Variants in GRIK3 observed in about 807,000 individuals in gnomAD.
GRIK3 encodes glutamate receptor ionotropic, kainate 3.
Under a neutral mutation model 102.5 loss-of-function variants are expected in GRIK3, and 29 were observed. The ratio of observed to expected loss-of-function variants is 0.28; its 90% CI spans 0.21 to 0.39. The LOEUF is 0.39. Ranked by LOEUF, GRIK3 falls within the 10% of genes least tolerant of loss-of-function variation. The probability of loss-of-function intolerance (pLI) is 1.00; values close to 1 mark genes in which losing one functional copy is unlikely to be tolerated. For synonymous variants in GRIK3, 511 were observed against 504.9 expected (o/e 1.01, Z -0.16); for missense variants, 908 against 1,252.4 (o/e 0.73, Z 4.15).
At chr1:36,931,995 C>G (rs1268251585) in intron 1 of GRIK3, among the ~76,000 whole-genome samples, 1 of 152,200 alleles carries the variant, frequency 6.6e-6, no homozygotes, top group Non-Finnish European at 1.5e-5. Flanking sequence ...TCATCCTGTC[C>G]TGCCCCCTAT....
intron 1 of GRIK3, among the ~76,000 whole-genome samples, chr1:36,925,813 G>A (rs957102184): frequency 6.6e-6 from 1 of 152,214 alleles, no homozygotes; most frequent in African/African-American, 2.4e-5. Flanking sequence ...CTGGTGTAGT[G>A]GGAGCGTGGC....
intron 1 of GRIK3, among the ~76,000 whole-genome samples, chr1:36,951,128 G>A (rs572690627): frequency 6.6e-6 from 1 of 152,354 alleles, no homozygotes; most frequent in African/African-American, 2.4e-5. Flanking sequence ...GCTGGGCCAG[G>A]AGGCCAAGCT....
In GRIK3 at chr1:36,980,131, C is replaced by T. The variant is rs371530859; in HGVS notation, c.115+53863G>A. ...TGTAGTGGAACCAGCAGAAGCAAAC[C>T]ATGAACCTCCAACTTGTTCTCTACA... On this transcript the variant is annotated intron_variant, in intron 1 of 15. Transcript: ENST00000373091. Among the ~76,000 whole-genome samples, 5 of 152,244 alleles carry T rather than the reference C, an allele frequency of 3.3e-5. No individual in the cohort carries two copies. In the East Asian group the frequency reaches 5.8e-4, roughly 18 times the overall value.
intron 1 of GRIK3, among the ~76,000 whole-genome samples, chr1:36,911,614 T>C (rs1436421338): frequency 1.3e-5 from 2 of 152,000 alleles, no homozygotes; most frequent in Non-Finnish European, 2.9e-5. Flanking sequence ...GGCAGTTGTT[T>C]TAATTGATCT....
At chr1:36,943,400 A>T (rs1557434377) in intron 1 of GRIK3, among the ~76,000 whole-genome samples, 1 of 152,266 alleles carries the variant, frequency 6.6e-6, no homozygotes, top group Non-Finnish European at 1.5e-5. Context: ...AAATATTACC[A>T]GCCAGGTGAC....
At chr1:36,944,778 A>T (rs1265069403) in intron 1 of GRIK3, among the ~76,000 whole-genome samples, 3 of 152,190 alleles carry the variant, frequency 2.0e-5, no homozygotes, top group African/African-American at 7.2e-5. Flanking sequence ...CATCTTTAAA[A>T]TGGGAGAACA....
chr1:36,946,528 C>T (rs1641786631), intron 1 of GRIK3, among the ~76,000 whole-genome samples: 2 of 152,234 alleles, frequency 1.3e-5, no homozygotes, highest in South Asian at 4.1e-4. Context: ...CTAGCCTGAT[C>T]CTGGAACACA....
chr1:36,897,275 G>T (rs547705702), intron 1 of GRIK3, among the ~76,000 whole-genome samples: 4 of 152,262 alleles, frequency 2.6e-5, no homozygotes, highest in African/African-American at 9.6e-5. Context: ...ATCAGTTAGA[G>T]CTAATAAAAT....
intron 13 of GRIK3, among the ~76,000 whole-genome samples, chr1:36,810,726 G>C (rs1028740866): frequency 6.6e-6 from 1 of 152,238 alleles, no homozygotes; most frequent in East Asian, 1.9e-4. Context: ...TTATCTCTGA[G>C]TGTGGAATCT....
intron 9 of GRIK3, among the ~76,000 whole-genome samples, chr1:36,849,244 C>A (rs1396036742): frequency 1.3e-5 from 2 of 152,150 alleles, no homozygotes; most frequent in Non-Finnish European, 2.9e-5. Flanking sequence ...TAGGGCCACC[C>A]AGTAGGGCCT....
intron 1 of GRIK3, among the ~76,000 whole-genome samples, chr1:36,906,692 A>AC (rs1218649462): frequency 1.3e-5 from 2 of 152,214 alleles, no homozygotes; most frequent in Non-Finnish European, 2.9e-5. Flanking sequence ...CCACTGTAGC[A>AC]CGCTGGCAGC....
At chr1:36,954,568 G>A (rs1229821355) in intron 1 of GRIK3, among the ~76,000 whole-genome samples, 3 of 152,192 alleles carry the variant, frequency 2.0e-5, no homozygotes, top group African/African-American at 7.2e-5. Context: ...TTGGGGTGGG[G>A]ACGGGGGCTG....
At chr1:36,826,450 T>C (rs576689147) in intron 10 of GRIK3, among the ~76,000 whole-genome samples, 1 of 152,184 alleles carries the variant, frequency 6.6e-6, no homozygotes, top group East Asian at 1.9e-4. Flanking sequence ...GGAGGATAGT[T>C]TGAGCCCAGG....
chr1:36,844,449 C>A (rs754605094), intron 9 of GRIK3, among the ~76,000 whole-genome samples: 1 of 152,230 alleles, frequency 6.6e-6, no homozygotes, highest in African/African-American at 2.4e-5. Context: ...AATGCTCCTG[C>A]ACCCTGGCAT....
chr1:36,862,805 G>A (rs987655152), intron 5 of GRIK3, among the ~76,000 whole-genome samples: 3 of 152,134 alleles, frequency 2.0e-5, no homozygotes, highest in African/African-American at 7.2e-5. Flanking sequence ...GAAAATAAGT[G>A]AGTTTGTAGA....
chr1:36,811,089 G>A (rs939734747), intron 13 of GRIK3, among the ~76,000 whole-genome samples: 28 of 152,234 alleles, frequency 1.8e-4, no homozygotes, highest in African/African-American at 6.5e-4. Flanking sequence ...GTAAGAGTAC[G>A]TGCTACTTAG....
chr1:36,804,351 T>C (rs1642474893), intron 15 of GRIK3, among the ~76,000 whole-genome samples: 1 of 152,180 alleles, frequency 6.6e-6, no homozygotes, highest in South Asian at 2.1e-4. Context: ...ACAGACCAAT[T>C]AAAACAGAGA....
chr1:37,017,226 A>AT (rs1444995051), intron 1 of GRIK3, among the ~76,000 whole-genome samples: 2 of 146,464 alleles, frequency 1.4e-5, no homozygotes, highest in Non-Finnish European at 3.0e-5. Flanking sequence ...AAAAAAAAAA[A>AT]CGAAAAAAAG....
Position 36,880,489 on chromosome 1 carries a change from C to T in GRIK3, c.550+145G>A. On this transcript the variant is annotated intron_variant, in intron 3 of 15. Transcript: ENST00000373091. The surrounding 1 kb of genome is among the most constrained non-coding windows in gnomAD (Gnocchi z 5.4). Reference sequence around the variant, plus strand: ...GGGTGTGAGTGGGTGCAGGGGTGAACATCAGCATAACCGAGTGGAACTGGG... The same window carrying T: ...GGGTGTGAGTGGGTGCAGGGGTGAATATCAGCATAACCGAGTGGAACTGGG... 2.4e-6 allele frequency: 2 copies of T among 824,234 alleles called. No individual in the cohort carries two copies. The highest frequency in any genetic ancestry group is 3.2e-5 in the South Asian group (2 of 63,398). 51.1% of individuals were successfully genotyped at this position (824,234 alleles called of 1,614,324 possible).
Sources: gnomAD v4.1 joint callset for allele counts (sites outside exome capture counted in the v4.1 genomes callset) on GRCh38, gnomAD v4.1.1 for gene constraint, Gnocchi (gnomAD v3.1) non-coding constraint, MANE v1.5 for transcripts, NCBI Gene and HGNC (gene_info 2026-07-23, HGNC 2026-07-21) for gene names.